MLXIPL: variants seen among roughly 807,000 people sequenced by gnomAD.
The protein encoded by MLXIPL is MLX interacting protein like.
Under a neutral mutation model 81.5 loss-of-function variants are expected in MLXIPL, and 49 were observed. The observed-to-expected ratio is 0.60, with a 90% CI of 0.48 to 0.76. The LOEUF is 0.76. Ranked by LOEUF, MLXIPL falls within the 30% of genes least tolerant of loss-of-function variation. MLXIPL has a pLI of 0.00. For synonymous variants in MLXIPL, 466 were observed against 485.5 expected (o/e 0.96, Z 0.53); for missense variants, 1,053 against 1,167.0 (o/e 0.90, Z 1.42).
chr7:73,641,513 G>T, the MLXIPL span, among the ~76,000 whole-genome samples: 1 of 151,962 alleles, frequency 6.6e-6, no homozygotes, highest in African/African-American at 2.4e-5. Flanking sequence ...TGTGCCAATG[G>T]TCTGTCTGTA....
At chr7:73,620,833 T>G (rs1402672228) in intron 1 of MLXIPL, among the ~76,000 whole-genome samples, 1 of 148,332 alleles carries the variant, frequency 6.7e-6, no homozygotes, top group African/African-American at 2.5e-5. Flanking sequence ...GGCAGATCAC[T>G]TGAGGTCAGG....
chr7:73,595,208 C>T (rs1794176670), intron 15 of MLXIPL, among the ~76,000 whole-genome samples: 1 of 152,102 alleles, frequency 6.6e-6, no homozygotes, highest in Non-Finnish European at 1.5e-5. Flanking sequence ...TCCCCTCCTC[C>T]TTGCCCCTCC....
intron 1 of MLXIPL, among the ~76,000 whole-genome samples, chr7:73,618,851 G>A (rs116822819): frequency 4.0e-4 from 61 of 152,196 alleles, no homozygotes; most frequent in African/African-American, 1.3e-3. Context: ...ACCCCGTGTC[G>A]CACCCTTGAC....
At chr7:73,620,067 C>T (rs1554601634) in intron 1 of MLXIPL, among the ~76,000 whole-genome samples, 1 of 151,158 alleles carries the variant, frequency 6.6e-6, no homozygotes, top group Non-Finnish European at 1.5e-5. Context: ...CCCAGGAGTT[C>T]AAGACCAGCT....
At position 73,607,686 on chromosome 7, in the gene MLXIPL, G is replaced by T; in HGVS notation, c.401-14C>A. ...TCCGCTTCACATCTGAGAGAAGGGG[G>T]CCAGGTCAGGGGCACCCAGCTTCCT... On this transcript the variant is annotated splice_polypyrimidine_tract_variant and intron_variant, in intron 2 of 16. Transcript: ENST00000313375. The T allele has an allele frequency of 1.2e-6, 2 of 1,611,818 alleles. No individual in the cohort carries two copies. The highest frequency in any genetic ancestry group is 1.7e-6 in the Non-Finnish European group (2 of 1,178,950).
Position 73,596,626 on chromosome 7 carries a change from C to A in MLXIPL, c.1822+13G>T. 2 of 1,602,704 alleles carry A rather than the reference C, an allele frequency of 1.2e-6. No individual in the cohort carries two copies. The highest frequency in any genetic ancestry group is 1.7e-6 in the Non-Finnish European group (2 of 1,174,710). Reference sequence around the variant, plus strand: ...CCCTAGATTCCCCCAATCCCTGCAACCCCTCTCTTTACCGCTGGGCGCTGG... The same window carrying A: ...CCCTAGATTCCCCCAATCCCTGCAAACCCTCTCTTTACCGCTGGGCGCTGG... On this transcript the variant is annotated intron_variant, in intron 11 of 16. Coordinates refer to ENST00000313375, the MANE Select transcript of MLXIPL (RefSeq NM_032951.3). This position sits in a 1 kb window ranked among gnomAD's most constrained non-coding sequence, Gnocchi z 4.7.
rs782566510 is a variant in MLXIPL, at chr7:73,607,097, A to T, written c.574-79T>A. On this transcript the variant is annotated intron_variant, in intron 4 of 16. Transcript: ENST00000313375. The stretch of plus-strand genomic sequence containing the variant: ...TTTCCCCCCAAAGTCTCCTCTACTC[A>T]CAAGCGATGAGATCCCCCATTTCCC... 2.0e-6 allele frequency: 3 copies of T among 1,536,210 alleles called. No homozygotes were observed. The South Asian group carries it at 3.5e-5, about 18-fold the overall frequency.
intron 2 of MLXIPL, among the ~76,000 whole-genome samples, chr7:73,612,518 T>G (rs62466301): frequency 0.04 from 6,109 of 151,842 alleles, 163 homozygotes; most frequent in Non-Finnish European, 0.062. Flanking sequence ...GGTGCGCACC[T>G]GTAGTCCCAG....
chr7:73,605,588 C>T, intron 7 of MLXIPL, 100 bp downstream of exon 7: 1 of 1,054,874 alleles, frequency 9.5e-7, no homozygotes, highest in Non-Finnish European at 1.5e-6. Flanking sequence ...AAGAAACGAC[C>T]CAGACTATCA....
intron 15 of MLXIPL, 60 bp from the exon 16 acceptor site, chr7:73,594,463 C>T (rs1187716979): frequency 6.3e-7 from 1 of 1,596,518 alleles, no homozygotes; most frequent in African/African-American, 1.3e-5. Context: ...CACGTGGAGC[C>T]CTGATGCCCA....
chr7:73,594,226 AC>A, intron 16 of MLXIPL, 47 bp downstream of exon 16: 1 of 1,607,578 alleles, frequency 6.2e-7, no homozygotes, highest in South Asian at 1.1e-5. Flanking sequence ...TGCTCCCTCC[AC>A]CCCCGAGGCT....
chr7:73,596,539 C>T lies in MLXIPL; in HGVS notation c.1823-60G>A. The T allele has an allele frequency of 1.2e-6, 2 of 1,602,612 alleles. No individual in the cohort carries two copies. The highest frequency in any genetic ancestry group is 1.1e-5 in the South Asian group (1 of 90,392). On this transcript the variant is annotated intron_variant, in intron 11 of 16. Coordinates refer to ENST00000313375, the MANE Select transcript of MLXIPL (RefSeq NM_032951.3). The surrounding 1 kb of genome is among the most constrained non-coding windows in gnomAD (Gnocchi z 4.7). ...GACCCAGGGGAAAGGGTCCCCATTG[C>T]CCCCTTCCTCTCATCTGGCCCCAGA...
the MLXIPL span, among the ~76,000 whole-genome samples, chr7:73,640,802 A>G: frequency 2.0e-5 from 3 of 151,810 alleles, no homozygotes; most frequent in South Asian, 6.2e-4. Context: ...AAAGGAGAAA[A>G]AAAAGAACAG....
chr7:73,629,974 T>TTTATTTATTTA, the MLXIPL span, among the ~76,000 whole-genome samples: 13 of 143,606 alleles, frequency 9.1e-5, no homozygotes, highest in African/African-American at 2.6e-4. Flanking sequence ...TTTTTATTAT[T>TTTATTTATTTA]TTTATTTATT....
chr7:73,596,883 G>A lies in MLXIPL; in HGVS notation c.1653C>T (p.Leu551=), dbSNP rs149978336. 2 of 1,611,456 alleles carry A rather than the reference G, an allele frequency of 1.2e-6. No homozygotes were observed. Among genetic ancestry groups the A allele is most frequent in the Non-Finnish European group, 1.7e-6 (2 of 1,179,668 alleles). The part of the protein sequence containing the change: ...LEPPLVSSTL[L]RSPGSPQETV... ...ATCTTACCGGGGACCCTGGGGACCG[G>A]AGGAGGGTGCTGGATACAAGTGGTG... Residue 551 remains leucine, a synonymous_variant, in exon 10 of 17, where the codon CTC becomes CTT. Coordinates refer to ENST00000313375, the MANE Select transcript of MLXIPL (RefSeq NM_032951.3). The surrounding 1 kb of genome is among the most constrained non-coding windows in gnomAD (Gnocchi z 4.7).
intron 2 of MLXIPL, among the ~76,000 whole-genome samples, chr7:73,608,591 AAAAAAG>A (rs1554599040): frequency 6.7e-6 from 1 of 149,016 alleles, no homozygotes; most frequent in African/African-American, 2.4e-5. Flanking sequence ...AAAGAAAAAA[AAAAAAG>A]AAAAAAAGAA....
rs190340653 is a variant in MLXIPL, at chr7:73,620,232, C to T, written c.293+3968G>A. Among the ~76,000 whole-genome samples, 485 of 151,024 alleles carry T rather than the reference C, an allele frequency of 3.2e-3. 3 individuals are homozygous for T. The highest frequency in any genetic ancestry group is 0.011 in the African/African-American group (454 of 41,058). Reference sequence around the variant, plus strand: ...CAGCCTGGCTAACATGGAGAAACCCCGTCTCTACTAAAAATACAAAAATTA... The same window carrying T: ...CAGCCTGGCTAACATGGAGAAACCCTGTCTCTACTAAAAATACAAAAATTA... On this transcript the variant is annotated intron_variant, in intron 1 of 16. Coordinates refer to ENST00000313375, the MANE Select transcript of MLXIPL (RefSeq NM_032951.3).
the MLXIPL span, among the ~76,000 whole-genome samples, chr7:73,629,947 AGCCCCTTG>A: frequency 6.6e-6 from 1 of 151,536 alleles, no homozygotes; most frequent in Non-Finnish European, 1.5e-5. Context: ...TCTTCACAAC[AGCCCCTTG>A]GCTTGTCTTT....
chr7:73,604,124 A>G (rs1423502027), intron 7 of MLXIPL, among the ~76,000 whole-genome samples: 1 of 149,558 alleles, frequency 6.7e-6, no homozygotes, highest in Non-Finnish European at 1.5e-5. Context: ...GCTGAGGCAC[A>G]AGAATCGCTT....
Sources: gnomAD v4.1 joint callset for allele counts (sites outside exome capture counted in the v4.1 genomes callset) on GRCh38, gnomAD v4.1.1 for gene constraint, Gnocchi (gnomAD v3.1) non-coding constraint, MANE v1.5 for transcripts, NCBI Gene and HGNC (gene_info 2026-07-23, HGNC 2026-07-21) for gene names.